Variants in VPS13B observed in about 807,000 individuals in gnomAD.
VPS13B encodes intermembrane lipid transfer protein VPS13B.
Under a neutral mutation model 426.4 loss-of-function variants are expected in VPS13B, and 285 were observed. The observed-to-expected ratio is 0.67, with a 90% CI of 0.61 to 0.74. VPS13B has a LOEUF of 0.74. Among genes scored for constraint, VPS13B ranks in the 30% least tolerant of loss-of-function variants. VPS13B has a pLI of 0.00. For missense variants in VPS13B, 4,537 were observed against 4,782.6 expected (o/e 0.95, Z 1.51); for synonymous variants, 1,676 against 1,676.4 (o/e 1.00, Z 0.01).
intron 19 of VPS13B, among the ~76,000 whole-genome samples, chr8:99,383,769 A>G (rs1813966192): frequency 6.6e-6 from 1 of 152,190 alleles, no homozygotes; most frequent in Admixed American, 6.5e-5. Context: ...TTCGAGATTC[A>G]TCAGTGCTGT....
At chr8:99,160,552 G>A (rs1220437755) in intron 15 of VPS13B, among the ~76,000 whole-genome samples, 2 of 150,752 alleles carry the variant, frequency 1.3e-5, no homozygotes, top group African/African-American at 4.9e-5. Flanking sequence ...CTGGGAGGCT[G>A]AGGTGAGAGA....
chr8:99,427,994 C>G (rs1379613903), intron 21 of VPS13B, among the ~76,000 whole-genome samples: 1 of 152,112 alleles, frequency 6.6e-6, no homozygotes, highest in Admixed American at 6.6e-5. Context: ...GTATCTACAA[C>G]CATCTGATCT....
At chr8:99,365,522 T>TC (rs2133247891) in intron 19 of VPS13B, among the ~76,000 whole-genome samples, 1 of 142,100 alleles carries the variant, frequency 7.0e-6, no homozygotes, top group Non-Finnish European at 1.5e-5. Context: ...TCTTCTTTTT[T>TC]TTTTTTTTTT....
chr8:99,061,406 T>C (rs1347687485), intron 3 of VPS13B, among the ~76,000 whole-genome samples: 2 of 151,302 alleles, frequency 1.3e-5, no homozygotes, highest in Admixed American at 1.3e-4. Context: ...CTATCTGACC[T>C]GAGTTTTCTA....
chr8:99,601,645 A>T (rs1563818707), intron 33 of VPS13B, among the ~76,000 whole-genome samples: 1 of 152,112 alleles, frequency 6.6e-6, no homozygotes, highest in Non-Finnish European at 1.5e-5. Context: ...ATTTCTCCAC[A>T]TCCTCCACAC....
rs1841572543 is a variant in VPS13B, at chr8:99,015,596, G to T, written c.147+1661G>T. 2.0e-5 allele frequency among the ~76,000 whole-genome samples: 3 copies of T among 151,670 alleles called. No individual in the cohort carries two copies. The South Asian group carries it at 6.3e-4, about 32-fold the overall frequency. Reference sequence around the variant, plus strand: ...TGGAATGTTTCCAGCACCCCAAAAGGCTCACCTGTTTTTGTAAGTACTCCA... The same window carrying T: ...TGGAATGTTTCCAGCACCCCAAAAGTCTCACCTGTTTTTGTAAGTACTCCA... On this transcript the variant is annotated intron_variant, in intron 2 of 61. Coordinates refer to ENST00000357162, the MANE Select transcript of VPS13B (RefSeq NM_152564.5).
At chr8:99,743,403 T>A (rs1307724333) in intron 39 of VPS13B, among the ~76,000 whole-genome samples, 1 of 151,772 alleles carries the variant, frequency 6.6e-6, no homozygotes, top group African/African-American at 2.4e-5. Context: ...CTGCCCAAGG[T>A]AATTTATAGA....
Position 99,876,759 on chromosome 8 carries a change from A to T in VPS13B, c.*1093A>T, listed in dbSNP as rs1306463690. The stretch of plus-strand genomic sequence containing the variant: ...TTCTTACAGTCCAGTAGCTTAGAGC[A>T]TGTTTGCTGATTGATATTACATTTA... On this transcript the variant is annotated 3_prime_UTR_variant, in exon 62 of 62. Transcript: ENST00000357162. 2.6e-5 allele frequency: 4 copies of T among 152,214 alleles called. No individual in the cohort carries two copies. The East Asian group carries it at 7.7e-4, about 29-fold the overall frequency. 9.4% of individuals were successfully genotyped at this position (152,214 alleles called of 1,614,324 possible). A position where few individuals can be genotyped will look rare whatever the true frequency, so the allele number is the denominator to read the frequency against.
chr8:99,209,297 C>T (rs149765970), intron 17 of VPS13B, among the ~76,000 whole-genome samples: 4 of 147,186 alleles, frequency 2.7e-5, no homozygotes, highest in African/African-American at 7.5e-5. Context: ...AAAAACAAAA[C>T]AAAAAACAAA....
At chr8:99,049,998 T>C (rs981517841) in intron 3 of VPS13B, among the ~76,000 whole-genome samples, 1 of 151,830 alleles carries the variant, frequency 6.6e-6, no homozygotes, top group Non-Finnish European at 1.5e-5. Flanking sequence ...TTCCTTCTTT[T>C]ATTTTTTTTT....
At chr8:99,613,580 T>C (rs1044391248) in intron 33 of VPS13B, among the ~76,000 whole-genome samples, 3 of 152,204 alleles carry the variant, frequency 2.0e-5, no homozygotes, top group African/African-American at 7.2e-5. Flanking sequence ...GTGGACTTGT[T>C]AGTAGCCTGG....
chr8:99,591,164 CT>C (rs376201526), intron 33 of VPS13B, among the ~76,000 whole-genome samples: 2,878 of 96,520 alleles, frequency 0.03, 21 homozygotes, highest in Non-Finnish European at 0.045. Context: ...GCAACCGCTC[CT>C]TTTTTTTTTT....
chr8:99,371,053 T>C (rs1446095049), intron 19 of VPS13B, among the ~76,000 whole-genome samples: 1 of 152,238 alleles, frequency 6.6e-6, no homozygotes, highest in Non-Finnish European at 1.5e-5. Flanking sequence ...TAGGTTTTTA[T>C]TCTACTGATA....
At chr8:99,746,905 A>AT (rs1293501115) in intron 39 of VPS13B, among the ~76,000 whole-genome samples, 7 of 152,132 alleles carry the variant, frequency 4.6e-5, no homozygotes, top group African/African-American at 1.7e-4. Context: ...TATTTCAGTG[A>AT]TAAATATCCC....
intron 30 of VPS13B, among the ~76,000 whole-genome samples, chr8:99,537,273 G>T (rs1385112811): frequency 6.6e-6 from 1 of 151,968 alleles, no homozygotes; most frequent in Admixed American, 6.6e-5. Context: ...GTTTGAAAAA[G>T]ATTTTTAAAA....
At chr8:99,416,681 G>A (rs1816030397) in intron 21 of VPS13B, among the ~76,000 whole-genome samples, 1 of 152,110 alleles carries the variant, frequency 6.6e-6, no homozygotes, top group Admixed American at 6.6e-5. Flanking sequence ...GGCATTCCCT[G>A]ACCCTTTGTG....
At chr8:99,254,700 G>A (rs1256418769) in intron 17 of VPS13B, among the ~76,000 whole-genome samples, 5 of 151,760 alleles carry the variant, frequency 3.3e-5, no homozygotes, top group Admixed American at 6.6e-5. Flanking sequence ...CTGGAGTGCC[G>A]TGGTGTGATC....
At position 99,079,654 on chromosome 8, in the gene VPS13B, A is replaced by G. The variant is rs554323167; in HGVS notation, c.292-16658A>G. Among the ~76,000 whole-genome samples the G allele has an allele frequency of 5.3e-5, 8 of 152,244 alleles. No homozygotes were observed. In the South Asian group the frequency reaches 1.7e-3, roughly 32 times the overall value. ...TTTATGTACATTGATTTTCCCCTTA[A>G]TATAAAATTGTTTTTTTAGGTTACA... On this transcript the variant is annotated intron_variant, in intron 3 of 61. Coordinates refer to ENST00000357162, the MANE Select transcript of VPS13B (RefSeq NM_152564.5).
chr8:99,350,632 G>A (rs1384080902), intron 19 of VPS13B, among the ~76,000 whole-genome samples: 2 of 152,052 alleles, frequency 1.3e-5, no homozygotes, highest in African/African-American at 4.8e-5. Context: ...AAGATGCAAT[G>A]AAAAATAATA....
Sources: allele counts gnomAD v4.1 joint callset (sites outside exome capture counted in the v4.1 genomes callset), GRCh38; gene constraint gnomAD v4.1.1; transcripts MANE v1.5; gene names NCBI Gene and HGNC (gene_info 2026-07-23, HGNC 2026-07-21).